The following DOCK4 variants were observed in gnomAD, a reference collection of about 807,000 sequenced individuals.
DOCK4 encodes the protein dedicator of cytokinesis 4.
DOCK4 carries 97 observed loss-of-function variants against 268.1 expected under a neutral mutation model. The observed-to-expected ratio is 0.36, with a 90% CI of 0.31 to 0.43. DOCK4 has a LOEUF of 0.43. Among genes scored for constraint, DOCK4 ranks in the 20% least tolerant of loss-of-function variants. The probability of loss-of-function intolerance (pLI) is 1.00; values close to 1 mark genes in which losing one functional copy is unlikely to be tolerated. For synonymous variants in DOCK4, 954 were observed against 887.2 expected (o/e 1.08, Z -1.34); for missense variants, 2,145 against 2,455.7 (o/e 0.87, Z 2.67).
chr7:112,168,816 A>G (rs1178536721), intron 1 of DOCK4, among the ~76,000 whole-genome samples: 1 of 152,234 alleles, frequency 6.6e-6, no homozygotes, highest in African/African-American at 2.4e-5. Flanking sequence ...ATATTTGTCA[A>G]TCACTGAAGG....
Position 111,835,020 on chromosome 7 carries a change from AT to A in DOCK4, c.2737-335del, listed in dbSNP as rs1803127157. Among the ~76,000 whole-genome samples, 5 of 152,306 alleles carry A rather than the reference AT, an allele frequency of 3.3e-5. No homozygotes were observed. In the South Asian group the frequency reaches 1.0e-3, roughly 32 times the overall value. On this transcript the variant is annotated intron_variant, in intron 25 of 52. Coordinates refer to ENST00000428084, the MANE Select transcript of DOCK4 (RefSeq NM_001363540.2). ...GAGGGTTTATGATCATTTACTGAGC[AT>A]TTAACATGTCTGTAATAATTCTAAC...
At chr7:112,022,928 T>C (rs1166625870) in intron 1 of DOCK4, among the ~76,000 whole-genome samples, 1 of 152,170 alleles carries the variant, frequency 6.6e-6, no homozygotes, top group East Asian at 1.9e-4. Context: ...CTTCTTTTTT[T>C]GTTTTTGAGA....
rs552684612 is a variant in DOCK4 at position 112,169,170 on chromosome 7, G to A, written c.37+36932C>T. Among the ~76,000 whole-genome samples the A allele has an allele frequency of 1.3e-3, 198 of 152,198 alleles. 1 individual carries two copies. The highest frequency in any genetic ancestry group is 4.5e-3 in the African/African-American group (187 of 41,542). ...TTTCACTCTCTCCTGTTCCAGCCAC[G>A]TAAGACATGTCTGCTTCCCCTTCAC... On this transcript the variant is annotated intron_variant, in intron 1 of 52. Coordinates refer to ENST00000428084, the MANE Select transcript of DOCK4 (RefSeq NM_001363540.2).
intron 1 of DOCK4, among the ~76,000 whole-genome samples, chr7:112,018,058 G>A (rs970403476): frequency 2.7e-5 from 4 of 148,480 alleles, no homozygotes; most frequent in Admixed American, 1.4e-4. Flanking sequence ...GCATGGTGGC[G>A]GGCACCTGTA....
chr7:111,827,234 T>G (rs1563557778), intron 26 of DOCK4, among the ~76,000 whole-genome samples: 1 of 152,224 alleles, frequency 6.6e-6, no homozygotes, highest in African/African-American at 2.4e-5. Context: ...TTTAAGTATC[T>G]TACGCAAAAT....
At position 112,100,606 on chromosome 7, in the gene DOCK4, T is replaced by C. The variant is rs139430560; in HGVS notation, c.38-96475A>G. ...ACAAAACAAAAGATGGCGACGTACT[T>C]TGAGTAGCTTCCACTCAACATCCAA... On this transcript the variant is annotated intron_variant, in intron 1 of 52. Transcript: ENST00000428084. 1.3e-3 allele frequency among the ~76,000 whole-genome samples: 201 copies of C among 152,348 alleles called. No homozygotes were observed. In the Middle Eastern group the frequency reaches 0.014, roughly 10 times the overall value.
At chr7:112,148,911 C>T (rs1815773155) in intron 1 of DOCK4, among the ~76,000 whole-genome samples, 1 of 152,130 alleles carries the variant, frequency 6.6e-6, no homozygotes, top group South Asian at 2.1e-4. Flanking sequence ...TGAACCCCAA[C>T]GTTTTGTGGC....
At chr7:112,191,740 AC>A (rs1380801205) in intron 1 of DOCK4, among the ~76,000 whole-genome samples, 1 of 151,918 alleles carries the variant, frequency 6.6e-6, no homozygotes, top group Non-Finnish European at 1.5e-5. Context: ...TCAGCCCTTC[AC>A]AGGTGGGTCC....
chr7:111,771,169 G>A (rs1585933993), intron 36 of DOCK4, among the ~76,000 whole-genome samples: 1 of 152,334 alleles, frequency 6.6e-6, no homozygotes, highest in Non-Finnish European at 1.5e-5. Flanking sequence ...TGACAGAGAA[G>A]GTTGCTCATG....
chr7:111,796,650 A>AT (rs61692239), intron 30 of DOCK4, among the ~76,000 whole-genome samples: 128 of 151,634 alleles, frequency 8.4e-4, no homozygotes, highest in Non-Finnish European at 1.4e-3. Context: ...AACTAGAACC[A>AT]TTTTTTTTTA....
chr7:111,806,754 T>C (rs1251835482), intron 30 of DOCK4, among the ~76,000 whole-genome samples: 1 of 152,098 alleles, frequency 6.6e-6, no homozygotes, highest in East Asian at 1.9e-4. Flanking sequence ...AGGTCTAAGG[T>C]GGAGTGAGAG....
rs181302486 is a variant in DOCK4, at chr7:112,154,418, G to T, written c.37+51684C>A. Among the ~76,000 whole-genome samples the T allele has an allele frequency of 4.4e-3, 671 of 152,254 alleles. 3 individuals are homozygous for T. Among genetic ancestry groups the T allele is most frequent in the Admixed American group, 9.1e-3 (139 of 15,284 alleles). On this transcript the variant is annotated intron_variant, in intron 1 of 52. Transcript: ENST00000428084. ...TAAGAGCACAACTCCATGCTACTTA[G>T]ACATTGTTTGACTCCTTTTTCTTTG...
chr7:112,047,429 T>TA (rs1804923811), intron 1 of DOCK4, among the ~76,000 whole-genome samples: 1 of 152,208 alleles, frequency 6.6e-6, no homozygotes, highest in Non-Finnish European at 1.5e-5. Flanking sequence ...ATACAGATGT[T>TA]AGAATTAGCA....
At chr7:111,974,518 G>GTC (rs1798006194) in intron 8 of DOCK4, among the ~76,000 whole-genome samples, 1 of 148,446 alleles carries the variant, frequency 6.7e-6, no homozygotes, top group African/African-American at 2.5e-5. Flanking sequence ...GTGTGTGTGT[G>GTC]TGTGTGTGTG....
intron 23 of DOCK4, among the ~76,000 whole-genome samples, chr7:111,855,216 T>C (rs978030102): frequency 9.9e-5 from 15 of 152,044 alleles, no homozygotes; most frequent in Admixed American, 1.3e-4. Context: ...ATCTGGTATG[T>C]TTCTGAAGGT....
chr7:111,951,401 T>C (rs920749314), intron 8 of DOCK4, among the ~76,000 whole-genome samples: 6 of 151,834 alleles, frequency 4.0e-5, no homozygotes, highest in African/African-American at 1.2e-4. Context: ...TTGGCCAAAG[T>C]TGTGTGGTCA....
chr7:112,087,504 T>A (rs1232174473), intron 1 of DOCK4, among the ~76,000 whole-genome samples: 1 of 151,956 alleles, frequency 6.6e-6, no homozygotes, highest in African/African-American at 2.4e-5. Flanking sequence ...GATTCAATAA[T>A]GACAAAGCAA....
chr7:112,073,783 G>A (rs996518653), intron 1 of DOCK4, among the ~76,000 whole-genome samples: 2 of 152,150 alleles, frequency 1.3e-5, no homozygotes, highest in African/African-American at 4.8e-5. Flanking sequence ...GGTACTGGGA[G>A]AAGTTGGTTA....
chr7:111,880,562 T>C (rs1311611168), intron 16 of DOCK4, among the ~76,000 whole-genome samples: 1 of 152,164 alleles, frequency 6.6e-6, no homozygotes, highest in Non-Finnish European at 1.5e-5. Context: ...CAGAATAGTA[T>C]AATGCCGTAA....
Sources: gnomAD v4.1 joint callset for allele counts (sites outside exome capture counted in the v4.1 genomes callset) on GRCh38, gnomAD v4.1.1 for gene constraint, MANE v1.5 for transcripts, NCBI Gene and HGNC (gene_info 2026-07-23, HGNC 2026-07-21) for gene names.